Variants in GLTP observed in about 807,000 individuals in gnomAD.
GLTP encodes the protein glycolipid transfer protein.
In GLTP, 22 loss-of-function variants were observed where a neutral mutation model predicts 24.0. The ratio of observed to expected loss-of-function variants is 0.92; its 90% CI spans 0.65 to 1.31. The LOEUF (loss-of-function observed/expected upper bound fraction) is 1.31. GLTP is among the 50% of genes most tolerant of loss of function. GLTP has a pLI of 0.00. For synonymous variants in GLTP, 92 were observed against 115.9 expected (o/e 0.79, Z 1.33); for missense variants, 224 against 276.6 (o/e 0.81, Z 1.35).
At chr12:109,879,098 A>G (rs1475561525) in intron 1 of GLTP, among the ~76,000 whole-genome samples, 1 of 152,128 alleles carries the variant, frequency 6.6e-6, no homozygotes, top group Non-Finnish European at 1.5e-5. Flanking sequence ...GAGGGGAACT[A>G]TAGCCTCCAG....
Position 109,880,345 on chromosome 12 carries a change from C to G in GLTP, c.30G>C (p.Lys10Asn). The G allele has an allele frequency of 6.3e-7, 1 of 1,599,326 alleles. No homozygotes were observed. ...CGATCTGCTTGTCCGCGGGCAGCGG[C>G]TTCAGCAAGTGTTCGGCCAGCAGCG... MALLAEHLL[K>N]PLPADKQIET... The change falls in exon 1 of 5, where the codon AAG becomes AAC. Residue 10 changes from lysine (K) to asparagine (N), a missense_variant. By Grantham distance (94) the Lys-to-Asn change is moderately conservative. Coordinates refer to ENST00000318348, the MANE Select transcript of GLTP (RefSeq NM_016433.4). The surrounding 1 kb of genome is among the most constrained non-coding windows in gnomAD (Gnocchi z 5.1).
intron 1 of GLTP, chr12:109,866,419 C>T (rs1027982244): frequency 1.1e-4 from 16 of 152,300 alleles, no homozygotes; most frequent in African/African-American, 3.9e-4. Flanking sequence ...CAGTGTAGCA[C>T]ACTACAGCCA....
intron 1 of GLTP, among the ~76,000 whole-genome samples, chr12:109,862,071 C>A (rs1334505647): frequency 6.6e-6 from 1 of 152,204 alleles, no homozygotes; most frequent in Non-Finnish European, 1.5e-5. Context: ...GGCAACTGAG[C>A]CTCTTTCCAA....
chr12:109,866,780 G>C (rs1054324240), intron 1 of GLTP, among the ~76,000 whole-genome samples: 1 of 138,542 alleles, frequency 7.2e-6, no homozygotes, highest in African/African-American at 2.8e-5. Context: ...TTTTTTTTGA[G>C]ACAGGGTATC....
chr12:109,865,162 G>GT (rs1409504756), intron 1 of GLTP, among the ~76,000 whole-genome samples: 2 of 152,076 alleles, frequency 1.3e-5, no homozygotes, highest in African/African-American at 2.4e-5. Flanking sequence ...CTCCAAACTT[G>GT]TTTTTTTCAA....
Position 109,857,765 on chromosome 12 carries a change from G to T in GLTP, c.163-106C>A. ...CTACCGGCATCTCCTGCTCCTTCCT[G>T]CCCTCCAGGAACAGCAGGGATAAGA... On this transcript the variant is annotated intron_variant, in intron 2 of 4. Coordinates refer to ENST00000318348, the MANE Select transcript of GLTP (RefSeq NM_016433.4). The surrounding 1 kb of genome is among the most constrained non-coding windows in gnomAD (Gnocchi z 4.3). The T allele has an allele frequency of 8.9e-7, 1 of 1,125,116 alleles. No homozygotes were observed. Among genetic ancestry groups the T allele is most frequent in the Non-Finnish European group, 1.4e-6 (1 of 739,102 alleles). The allele number at this position is 1,125,116 out of a possible 1,614,324, so 69.7% of individuals were successfully genotyped here. A position where few individuals can be genotyped will look rare whatever the true frequency, so the allele number is the denominator to read the frequency against.
rs1455956381 is a variant in GLTP, at chr12:109,880,360, G to C, written c.15C>G (p.Ala5=). The C allele has an allele frequency of 3.1e-6, 5 of 1,593,758 alleles. No homozygotes were observed. In the South Asian group the frequency reaches 5.6e-5, roughly 18 times the overall value. The part of the protein sequence containing the change: MALL[A]EHLLKPLPAD... ...CGGGCAGCGGCTTCAGCAAGTGTTC[G>C]GCCAGCAGCGCCATTTCGGGGTCGA... is the stretch of plus-strand genomic sequence containing the variant. Residue 5 remains alanine (A), a synonymous_variant, in exon 1 of 5, where the codon GCC becomes GCG. Transcript: ENST00000318348. This position sits in a 1 kb window ranked among gnomAD's most constrained non-coding sequence, Gnocchi z 5.1.
chr12:109,866,611 C>G (rs184379758), intron 1 of GLTP: 1 of 152,136 alleles, frequency 6.6e-6, no homozygotes, highest in Non-Finnish European at 1.5e-5. Context: ...GGAAGCCATT[C>G]GTAGCTTTCT....
intron 1 of GLTP, among the ~76,000 whole-genome samples, chr12:109,860,712 T>G (rs972434458): frequency 6.6e-6 from 1 of 152,082 alleles, no homozygotes; most frequent in Non-Finnish European, 1.5e-5. Context: ...ATATAATAGG[T>G]AACACCTTGG....
At chr12:109,873,454 G>T (rs1464689508) in intron 1 of GLTP, among the ~76,000 whole-genome samples, 1 of 152,018 alleles carries the variant, frequency 6.6e-6, no homozygotes, top group Non-Finnish European at 1.5e-5. Context: ...CCAGCATGGT[G>T]AAACCCTGTC....
intron 1 of GLTP, among the ~76,000 whole-genome samples, chr12:109,877,097 G>A (rs1328822944): frequency 1.3e-5 from 2 of 152,130 alleles, no homozygotes; most frequent in Non-Finnish European, 1.5e-5. Context: ...CAAGAGATCC[G>A]CCCACCTTGG....
chr12:109,857,595 A>C lies in GLTP; in HGVS notation c.227T>G (p.Val76Gly). 1 of 1,612,938 alleles carries C rather than the reference A, an allele frequency of 6.2e-7. No homozygotes were observed. The change falls in exon 3 of 5, where the codon GTG becomes GGG. Residue 76 changes from valine (V) to glycine (G), a missense_variant. Coordinates refer to ENST00000318348, the MANE Select transcript of GLTP (RefSeq NM_016433.4). The surrounding 1 kb of genome is among the most constrained non-coding windows in gnomAD (Gnocchi z 4.3). ...KFRTLQNILE[V>G]EKEMYGAEWP... ...CTCTGCTCCATACATTTCTTTCTCC[A>C]CCTCCAGGATGTTCTGCAGGGTCCG...
intron 1 of GLTP, among the ~76,000 whole-genome samples, chr12:109,871,135 GAGT>G (rs1177732071): frequency 6.7e-6 from 1 of 148,182 alleles, no homozygotes; most frequent in African/African-American, 2.5e-5. Flanking sequence ...TCCCAGGCTG[GAGT>G]AGTGGCGTGA....
chr12:109,874,088 G>T lies in GLTP; in HGVS notation c.103+6184C>A, dbSNP rs572400214. On this transcript the variant is annotated intron_variant, in intron 1 of 4. Transcript: ENST00000318348. ...CCCAACCAGGCTGGCTCCACTGGGG[G>T]TCTTCTCCTTTGCCAGAGAGAAAGC... 1.1e-4 allele frequency among the ~76,000 whole-genome samples: 17 copies of T among 152,296 alleles called. No homozygotes were observed. The Middle Eastern group carries it at 0.017, about 152-fold the overall frequency.
intron 1 of GLTP, among the ~76,000 whole-genome samples, chr12:109,873,162 A>G (rs948307193): frequency 6.6e-6 from 1 of 152,116 alleles, no homozygotes; most frequent in Middle Eastern, 3.2e-3. Flanking sequence ...CCAAAAATAA[A>G]CAGGTATTAG....
rs1869021156 is a variant in GLTP, at chr12:109,880,061, G to A, written c.103+211C>T. ...GAGAGGGAGGATTTGGGGAGGACAG[G>A]CAGGATGTGACATGTTTAGAGCGGA... On this transcript the variant is annotated intron_variant, in intron 1 of 4. Transcript: ENST00000318348. The surrounding 1 kb of genome is among the most constrained non-coding windows in gnomAD (Gnocchi z 5.1). Among the ~76,000 whole-genome samples, 1 of 152,030 alleles carries A rather than the reference G, an allele frequency of 6.6e-6. No homozygotes were observed. The highest frequency in any genetic ancestry group is 2.1e-4 in the South Asian group (1 of 4,818).
chr12:109,857,451 A>G lies in GLTP; in HGVS notation c.296+75T>C. 6.6e-7 allele frequency: 1 copy of G among 1,522,596 alleles called. No individual in the cohort carries two copies. Among genetic ancestry groups the G allele is most frequent in the South Asian group, 1.2e-5 (1 of 85,938 alleles). 94.3% of individuals were successfully genotyped at this position (1,522,596 alleles called of 1,614,324 possible). ...AGTGACCTTCCCAGCCTGAGCTGAC[A>G]CTGCGGAACAGTGACAGGTTTGCTT... On this transcript the variant is annotated intron_variant, in intron 3 of 4. Transcript: ENST00000318348. This position sits in a 1 kb window ranked among gnomAD's most constrained non-coding sequence, Gnocchi z 4.3.
Position 109,880,329 on chromosome 12 carries a change from T to A in GLTP, c.46A>T (p.Lys16Ter). ...EHLLKPLPAD[K>*]QIETGPFLEA... Reference sequence around the variant, plus strand: ...AGGAAGGGCCCGGTCTCGATCTGCTTGTCCGCGGGCAGCGGCTTCAGCAAG... The same window carrying A: ...AGGAAGGGCCCGGTCTCGATCTGCTAGTCCGCGGGCAGCGGCTTCAGCAAG... The change falls in exon 1 of 5, where the codon AAG becomes TAG. Residue 16 changes from lysine (K) to a stop codon, truncating the protein, a stop_gained. Coordinates refer to ENST00000318348, the MANE Select transcript of GLTP (RefSeq NM_016433.4). LOFTEE classifies it high-confidence loss of function. The surrounding 1 kb of genome is among the most constrained non-coding windows in gnomAD (Gnocchi z 5.1). The A allele has an allele frequency of 6.3e-7, 1 of 1,587,382 alleles. No individual in the cohort carries two copies. The highest frequency in any genetic ancestry group is 8.6e-7 in the Non-Finnish European group (1 of 1,167,120).
intron 1 of GLTP, among the ~76,000 whole-genome samples, chr12:109,861,157 A>C (rs1179831342): frequency 6.6e-6 from 1 of 152,148 alleles, no homozygotes; most frequent in Non-Finnish European, 1.5e-5. Flanking sequence ...CTAGGGGTGG[A>C]ACTTCCTTAA....
Sources: gnomAD v4.1 joint callset for allele counts (sites outside exome capture counted in the v4.1 genomes callset) on GRCh38, gnomAD v4.1.1 for gene constraint, Gnocchi (gnomAD v3.1) non-coding constraint, MANE v1.5 for transcripts, NCBI Gene and HGNC (gene_info 2026-07-23, HGNC 2026-07-21) for gene names.